The following CCDC32 variants were observed in gnomAD, a reference collection of about 807,000 sequenced individuals.
CCDC32 encodes the protein coiled-coil domain containing 32, also known as coiled-coil domain-containing protein 32.
CCDC32 carries 9 observed loss-of-function variants against 20.1 expected under a neutral mutation model. The ratio of observed to expected loss-of-function variants is 0.45; its 90% CI spans 0.27 to 0.78. CCDC32 has a LOEUF of 0.78. Among genes scored for constraint, CCDC32 ranks in the 30% least tolerant of loss-of-function variants. The probability of loss-of-function intolerance (pLI) is 0.16; values close to 1 mark genes in which losing one functional copy is unlikely to be tolerated. For missense variants in CCDC32, 204 were observed against 215.5 expected (o/e 0.95, Z 0.33); for synonymous variants, 63 against 79.0 (o/e 0.80, Z 1.07).
chr15:40,539,305 G>A (rs771288328), exon 4 of CCDC32: 24 of 1,535,480 alleles, frequency 1.6e-5, no homozygotes, highest in Non-Finnish European at 2.1e-5. Flanking sequence ...GCTGTCCCAC[G>A]CTCCATCCTC....
chr15:40,563,084 T>C (rs946316279), intron 1 of CCDC32, 57 bp from the exon 2 acceptor site: 32 of 1,557,554 alleles, frequency 2.1e-5, no homozygotes, highest in Non-Finnish European at 2.7e-5. Context: ...AGCATAAGGT[T>C]GAGCACAGTG....
Position 40,553,823 on chromosome 15 carries a change from G to A in CCDC32, c.*148C>T. The A allele has an allele frequency of 2.9e-6, 4 of 1,399,688 alleles. No individual in the cohort carries two copies. The East Asian group carries it at 1.0e-4, about 37-fold the overall frequency. 86.7% of individuals were successfully genotyped at this position (1,399,688 alleles called of 1,614,324 possible). On this transcript the variant is annotated 3_prime_UTR_variant, in exon 4 of 4. Transcript: ENST00000416810. The stretch of plus-strand genomic sequence containing the variant: ...GTTTTCTTTGTGGAGTGGAAATTTG[G>A]GTTTTTTCCTTCAGTGGATTTCTCC...
chr15:40,523,797 C>G (rs926527203), downstream of CCDC32, among the ~76,000 whole-genome samples: 5 of 152,270 alleles, frequency 3.3e-5, no homozygotes, highest in South Asian at 1.0e-3. Context: ...CTGATACTAC[C>G]AAGTCCTGAT....
intron 1 of CCDC32, among the ~76,000 whole-genome samples, chr15:40,564,323 A>G (rs1176089244): frequency 6.6e-6 from 1 of 152,198 alleles, no homozygotes; most frequent in African/African-American, 2.4e-5. Flanking sequence ...ACCATTTTAC[A>G]GATGAAAAAA....
chr15:40,557,332 C>T lies in CCDC32; in HGVS notation c.285G>A (p.Val95=). 6.2e-7 allele frequency: 1 copy of T among 1,613,926 alleles called. No individual in the cohort carries two copies. The highest frequency in any genetic ancestry group is 8.5e-7 in the Non-Finnish European group (1 of 1,179,946). ...GAGTTCGAAGCATGTCCTTGGAAGTCACTTCCTGATTTAAACCTTTGATTC... is the reference window on the plus strand; with the variant it reads ...GAGTTCGAAGCATGTCCTTGGAAGTTACTTCCTGATTTAAACCTTTGATTC... ...LRRIKGLNQE[V]TSKDMLRTLA... is the part of the protein sequence containing the mutation. The change falls in exon 3 of 4, where the codon GTG becomes GTA. Residue 95 remains valine (V), a synonymous_variant. Coordinates refer to ENST00000416810, the MANE Select transcript of CCDC32 (RefSeq NM_001080792.4).
At chr15:40,542,009 TAAC>T (rs1889415290) in intron 3 of CCDC32, among the ~76,000 whole-genome samples, 1 of 152,144 alleles carries the variant, frequency 6.6e-6, no homozygotes, top group African/African-American at 2.4e-5. Flanking sequence ...AGGGCTGACT[TAAC>T]AGCAGCAAGC....
At chr15:40,554,768 C>T (rs1352183480) in intron 3 of CCDC32, among the ~76,000 whole-genome samples, 2 of 152,134 alleles carry the variant, frequency 1.3e-5, no homozygotes, top group Non-Finnish European at 2.9e-5. Flanking sequence ...AATTGTCAAG[C>T]TCAAGGTCCC....
At chr15:40,550,516 A>C (rs1889807904), downstream of CCDC32, among the ~76,000 whole-genome samples, 1 of 152,256 alleles carries the variant, frequency 6.6e-6, no homozygotes, top group Non-Finnish European at 1.5e-5. Flanking sequence ...GCCACAAGAC[A>C]GATAAAAGAC....
the CCDC32 span, among the ~76,000 whole-genome samples, chr15:40,523,184 C>A: frequency 6.6e-6 from 1 of 151,564 alleles, no homozygotes; most frequent in Non-Finnish European, 1.5e-5. Context: ...CTGTACCTGG[C>A]CAGCTGCTGG....
Position 40,564,982 on chromosome 15 carries a change from A to G in CCDC32, c.-19T>C, listed in dbSNP as rs924527310. The stretch of plus-strand genomic sequence containing the variant: ...CCAGCCCCTCCTCACTTACCGTAAC[A>G]GCTGCCCAGTAAACGCTTGGCTCAG... On this transcript the variant is annotated 5_prime_UTR_variant, in exon 1 of 4. Transcript: ENST00000416810. 1.2e-4 allele frequency: 72 copies of G among 612,676 alleles called. No homozygotes were observed. Among genetic ancestry groups the G allele is most frequent in the African/African-American group, 1.1e-3 (60 of 54,200 alleles). 38.0% of individuals were successfully genotyped at this position (612,676 alleles called of 1,614,324 possible). A position where few individuals can be genotyped will look rare whatever the true frequency, so the allele number is the denominator to read the frequency against.
downstream of CCDC32, among the ~76,000 whole-genome samples, chr15:40,532,510 G>T (rs1195215247): frequency 1.3e-5 from 2 of 152,058 alleles, no homozygotes; most frequent in Non-Finnish European, 2.9e-5. Flanking sequence ...CTTCACAGCT[G>T]TTCACCATGA....
chr15:40,559,761 C>G (rs2141650626), intron 2 of CCDC32, among the ~76,000 whole-genome samples: 1 of 152,294 alleles, frequency 6.6e-6, no homozygotes, highest in Middle Eastern at 3.4e-3. Context: ...ACCTGAATTG[C>G]CTTTCCTTCC....
chr15:40,535,304 G>A, downstream of CCDC32: 2 of 1,268,436 alleles, frequency 1.6e-6, no homozygotes, highest in Non-Finnish European at 2.0e-6. Context: ...CCTTGTAGGT[G>A]ATGAGCCATT....
downstream of CCDC32, chr15:40,535,371 A>G (rs182861906): frequency 1.1e-5 from 12 of 1,073,094 alleles, no homozygotes; most frequent in African/African-American, 1.7e-4. Flanking sequence ...CTGAACAGAA[A>G]TATTACAGAA....
At chr15:40,547,253 C>T (rs1889661005) in intron 3 of CCDC32, among the ~76,000 whole-genome samples, 1 of 152,106 alleles carries the variant, frequency 6.6e-6, no homozygotes, top group Admixed American at 6.5e-5. Context: ...TCAGGGCTTC[C>T]TCAGTGCTGC....
chr15:40,534,962 G>A, downstream of CCDC32: 1 of 702,560 alleles, frequency 1.4e-6, no homozygotes, highest in Non-Finnish European at 2.6e-6. Flanking sequence ...CTGCCACTTG[G>A]TATCTGTGTG....
At chr15:40,525,396 T>C (rs1206591859), downstream of CCDC32, among the ~76,000 whole-genome samples, 1 of 151,692 alleles carries the variant, frequency 6.6e-6, no homozygotes, top group Non-Finnish European at 1.5e-5. Flanking sequence ...CTCCTGACCT[T>C]AGGTAATCCG....
At chr15:40,557,174 T>C in intron 3 of CCDC32, 42 bp downstream of exon 3, 1 of 1,572,196 alleles carries the variant, frequency 6.4e-7, no homozygotes, top group Non-Finnish European at 8.6e-7. Flanking sequence ...AACAACTACA[T>C]AAAGGATGAT....
intron 3 of CCDC32, 114 bp downstream of exon 3, chr15:40,557,102 T>C: frequency 8.0e-7 from 1 of 1,246,494 alleles, no homozygotes; most frequent in South Asian, 1.5e-5. Flanking sequence ...GTAGCTGCAG[T>C]ATTTGCCTTT....
Sources: gnomAD v4.1 joint callset for allele counts (sites outside exome capture counted in the v4.1 genomes callset) on GRCh38, gnomAD v4.1.1 for gene constraint, MANE v1.5 for transcripts, NCBI Gene and HGNC (gene_info 2026-07-23, HGNC 2026-07-21) for gene names.